Variants in APOB observed in about 807,000 individuals in gnomAD.
APOB encodes apolipoprotein B-100.
Under a neutral mutation model 314.1 loss-of-function variants are expected in APOB, and 153 were observed. The ratio of observed to expected loss-of-function variants is 0.49; its 90% CI spans 0.43 to 0.56. APOB has a LOEUF of 0.56. Among genes scored for constraint, APOB ranks in the 20% least tolerant of loss-of-function variants. APOB has a pLI of 0.00. For synonymous variants in APOB, 2,087 were observed against 2,036.4 expected (o/e 1.02, Z -0.67); for missense variants, 5,430 against 5,350.7 (o/e 1.01, Z -0.46).
rs1460443385 is a variant in APOB, at chr2:21,009,923, C to T, written c.6945G>A (p.Glu2315=). 4.3e-6 allele frequency: 7 copies of T among 1,613,878 alleles called. No individual in the cohort carries two copies. Among genetic ancestry groups the T allele is most frequent in the Non-Finnish European group, 5.9e-6 (7 of 1,179,872 alleles). Residue 2315 remains glutamate (E), a synonymous_variant, in exon 26 of 29, where the codon GAG becomes GAA. Coordinates refer to ENST00000233242, the MANE Select transcript of APOB (RefSeq NM_000384.3). ...ISFERINDIL[E]HVKHFVINLI... ...GATTTATAACAAAGTGTTTGACATG[C>T]TCAAGAATGTCATTTATTCTTTCAA...
At chr2:21,035,919 C>T (rs1663991766) in intron 6 of APOB, among the ~76,000 whole-genome samples, 1 of 152,188 alleles carries the variant, frequency 6.6e-6, no homozygotes, top group Non-Finnish European at 1.5e-5. Context: ...TTTTTCCACC[C>T]TCACTGGACA....
chr2:21,023,563 G>A lies in APOB; in HGVS notation c.2566C>T (p.Pro856Ser). 6.2e-7 allele frequency: 1 copy of A among 1,614,122 alleles called. No individual in the cohort carries two copies. Among genetic ancestry groups the A allele is most frequent in the Non-Finnish European group, 8.5e-7 (1 of 1,180,014 alleles). The change falls in exon 17 of 29, where the codon CCC becomes TCC. Residue 856 changes from proline (P) to serine (S), a missense_variant. Physicochemically the swap from Pro to Ser is moderately conservative, Grantham distance 74. Transcript: ENST00000233242. ...LQISSSGVIA[P>S]GAKAGVKLEV... ...AGTTTTACTCCAGCCTTGGCTCCGGGAGCAATGACTCCAGATGAAGATATT... is the reference window on the plus strand; with the variant it reads ...AGTTTTACTCCAGCCTTGGCTCCGGAAGCAATGACTCCAGATGAAGATATT...
chr2:21,015,735 T>G (rs1036988261), intron 21 of APOB, among the ~76,000 whole-genome samples, 190 bp from the exon 22 acceptor site: 6 of 152,082 alleles, frequency 3.9e-5, no homozygotes, highest in African/African-American at 1.4e-4. Flanking sequence ...GCAAACAGGT[T>G]TAGGAGAAAG....
chr2:21,041,332 A>G (rs1664128174), intron 3 of APOB, among the ~76,000 whole-genome samples: 1 of 152,194 alleles, frequency 6.6e-6, no homozygotes, highest in African/African-American at 2.4e-5. Context: ...GCCCCTAGGC[A>G]TGGGAAGGAG....
At position 21,034,342 on chromosome 2, in the gene APOB, A is replaced by G. The variant is rs185784234; in HGVS notation, c.904+474T>C. 2.5e-4 allele frequency among the ~76,000 whole-genome samples: 38 copies of G among 152,366 alleles called. No homozygotes were observed. The East Asian group carries it at 6.8e-3, about 27-fold the overall frequency. ...TCACAGGTTGCTATGAGCAAAAAGG[A>G]CAATGAGGTAATGTACAAGAAGGAA... On this transcript the variant is annotated intron_variant, in intron 8 of 28. Transcript: ENST00000233242.
At chr2:21,040,329 C>G (rs1470021080) in intron 4 of APOB, among the ~76,000 whole-genome samples, 1 of 152,192 alleles carries the variant, frequency 6.6e-6, no homozygotes, top group Non-Finnish European at 1.5e-5. Context: ...CTGATGCTAC[C>G]AAGTTAACAA....
At chr2:21,034,999 G>T in intron 7 of APOB, 98 bp from the exon 8 acceptor site, 2 of 784,512 alleles carry the variant, frequency 2.5e-6, no homozygotes, top group South Asian at 1.3e-5. Flanking sequence ...CCCAAGTCCT[G>T]CCCATCTTTC....
rs1011350296 is a variant in APOB, at chr2:21,010,425, T to A, written c.6443A>T (p.Lys2148Met). The part of the protein sequence containing the change: ...AKEKLTALTK[K>M]YRITENDIQI... ...TATATCATTTTCTGTAATTCTATAC[T>A]TTTTTGTGAGAGCAGTCAGTTTCTC... The change falls in exon 26 of 29, where the codon AAG (lysine) becomes ATG (methionine). Residue 2148 changes from lysine to methionine, a missense_variant. By Grantham distance (95) the Lys-to-Met change is moderately conservative. Around this residue, in one of 3 missense-constraint regions of APOB, gnomAD observed 3,281 missense variants for 3,171.0 expected, o/e 1.03. Coordinates refer to ENST00000233242, the MANE Select transcript of APOB (RefSeq NM_000384.3). 2 of 1,603,004 alleles carry A rather than the reference T, an allele frequency of 1.2e-6. No individual in the cohort carries two copies. Among genetic ancestry groups the A allele is most frequent in the Non-Finnish European group, 1.7e-6 (2 of 1,173,060 alleles).
At chr2:21,029,569 C>T in intron 12 of APOB, 70 bp downstream of exon 12, 1 of 1,542,562 alleles carries the variant, frequency 6.5e-7, no homozygotes, top group African/African-American at 1.4e-5. Flanking sequence ...TCTAGAGTCT[C>T]ATTCCCCTAG....
In APOB at chr2:21,009,252, A is replaced by G. The variant is rs1359695098; in HGVS notation, c.7616T>C (p.Val2539Ala). The G allele has an allele frequency of 1.9e-6, 3 of 1,614,094 alleles. No individual in the cohort carries two copies. The highest frequency in any genetic ancestry group is 2.2e-5 in the South Asian group (2 of 91,082). ...GACAAGTGTGCTATAAACCTGGCCT[A>G]CCAGAGACAGGTATCGTTGAAGTTC... is the stretch of plus-strand genomic sequence containing the variant. ...QQELQRYLSL[V>A]GQVYSTLVTY... Residue 2539 changes from valine to alanine, a missense_variant, in exon 26 of 29, where the codon GTA becomes GCA. Coordinates refer to ENST00000233242, the MANE Select transcript of APOB (RefSeq NM_000384.3).
chr2:21,006,375 C>T lies in APOB; in HGVS notation c.10493G>A (p.Gly3498Glu). The T allele has an allele frequency of 6.2e-7, 1 of 1,614,004 alleles. No homozygotes were observed. Among genetic ancestry groups the T allele is most frequent in the Non-Finnish European group, 8.5e-7 (1 of 1,179,958 alleles). The part of the protein sequence containing the change: ...SYFSIESSTK[G>E]DVKGSVLSRE... Reference sequence around the variant, plus strand: ...AGAAAGAACCGAACCCTTGACATCTCCTTTGGTAGATGACTCAATGGAAAA... The same window carrying T: ...AGAAAGAACCGAACCCTTGACATCTTCTTTGGTAGATGACTCAATGGAAAA... The change falls in exon 26 of 29, where the codon GGA becomes GAA. Residue 3498 changes from glycine (G) to glutamate (E), a missense_variant. Physicochemically the swap from Gly to Glu is moderately conservative, Grantham distance 98 (BLOSUM62 -2). Transcript: ENST00000233242.
chr2:21,004,100 G>A (rs1370376419), intron 28 of APOB, among the ~76,000 whole-genome samples, 169 bp downstream of exon 28: 1 of 152,086 alleles, frequency 6.6e-6, no homozygotes, highest in Non-Finnish European at 1.5e-5. Flanking sequence ...AATCAATCAA[G>A]GACTCATTGT....
At chr2:21,042,562 T>C in intron 2 of APOB, 86 bp from the exon 3 acceptor site, 2 of 926,150 alleles carry the variant, frequency 2.2e-6, no homozygotes, top group South Asian at 2.6e-5. Flanking sequence ...GGCAGTGGCA[T>C]AGAGAATTAA....
chr2:21,012,734 A>G (rs1471757583), intron 25 of APOB, 83 bp from the exon 26 acceptor site: 1 of 1,480,436 alleles, frequency 6.8e-7, no homozygotes. Flanking sequence ...TTTCAATAAT[A>G]AAGCCCCATT....
rs189657060 is a variant in APOB, at chr2:21,003,634, G to A, written c.12088-300C>T. On this transcript the variant is annotated intron_variant, in intron 28 of 28. Transcript: ENST00000233242. The stretch of plus-strand genomic sequence containing the variant: ...TAGGACTGAAAACTGGAAGAGGAGT[G>A]GGGGGAAGAGAAAGAAGAGGAGAGA... Among the ~76,000 whole-genome samples the A allele has an allele frequency of 6.6e-5, 10 of 152,240 alleles. No individual in the cohort carries two copies. In the East Asian group the frequency reaches 1.9e-3, roughly 29 times the overall value.
In APOB at chr2:21,023,574, C is replaced by A; in HGVS notation, c.2555G>T (p.Gly852Val). 1 of 1,614,164 alleles carries A rather than the reference C, an allele frequency of 6.2e-7. No homozygotes were observed. The highest frequency in any genetic ancestry group is 1.1e-5 in the South Asian group (1 of 91,086). Reference protein sequence around the residue: ...AGLQLQISSSGVIAPGAKAGV... With the variant: ...AGLQLQISSSVVIAPGAKAGV... ...AGCCTTGGCTCCGGGAGCAATGACTCCAGATGAAGATATTTGCAACTGTAA... is the reference window on the plus strand; with the variant it reads ...AGCCTTGGCTCCGGGAGCAATGACTACAGATGAAGATATTTGCAACTGTAA... The change falls in exon 17 of 29, where the codon GGA becomes GTA. Residue 852 changes from glycine (G) to valine (V), a missense_variant. By Grantham distance (109) the Gly-to-Val change is moderately radical. This residue lies in a region of APOB where 2,085 missense variants were observed against 2,079.7 expected (regional missense o/e 1.00). Coordinates refer to ENST00000233242, the MANE Select transcript of APOB (RefSeq NM_000384.3).
chr2:21,017,629 C>T (rs1663510618), intron 20 of APOB, among the ~76,000 whole-genome samples: 1 of 152,142 alleles, frequency 6.6e-6, no homozygotes, highest in South Asian at 2.1e-4. Flanking sequence ...GCCAGGAAGA[C>T]ACGACATCTC....
chr2:21,014,021 A>G (rs1055004346), intron 24 of APOB, among the ~76,000 whole-genome samples: 3 of 152,234 alleles, frequency 2.0e-5, no homozygotes, highest in South Asian at 2.1e-4. Context: ...TGGAAAGAAC[A>G]TAGGTATGGA....
rs1663743658 is a variant in APOB, at chr2:21,026,882, T to G, written c.2150A>C (p.Lys717Thr). ...KQGFFPDSVNKALYWVNGQVP... is the reference protein window; with the variant it reads ...KQGFFPDSVNTALYWVNGQVP... ...TTGACCATTAACCCAGTACAAAGCT[T>G]TGTTGACACTGTCTGGGAAAAATCC... is the stretch of plus-strand genomic sequence containing the variant. Residue 717 changes from lysine (K) to threonine (T), a missense_variant, in exon 15 of 29, where the codon AAA (lysine) becomes ACA (threonine). Transcript: ENST00000233242. 1 of 1,614,062 alleles carries G rather than the reference T, an allele frequency of 6.2e-7. No homozygotes were observed. The highest frequency in any genetic ancestry group is 1.7e-5 in the Admixed American group (1 of 60,006).
Sources: gnomAD v4.1 joint callset for allele counts (sites outside exome capture counted in the v4.1 genomes callset) on GRCh38, gnomAD v4.1.1 for gene constraint, gnomAD v4.1.1 regional missense constraint, MANE v1.5 for transcripts, NCBI Gene and HGNC (gene_info 2026-07-23, HGNC 2026-07-21) for gene names.